The following POLR2B variants were observed in gnomAD, a reference collection of about 807,000 sequenced individuals.
POLR2B encodes the protein RNA polymerase II subunit B, also known as DNA-directed RNA polymerase II subunit RPB2.
A neutral mutation model predicts 144.6 loss-of-function variants in POLR2B; 57 were observed. That is an observed-to-expected ratio of 0.39 (90% confidence interval 0.32 to 0.49). The LOEUF (loss-of-function observed/expected upper bound fraction) is 0.49. POLR2B is among the 20% of genes least tolerant of loss of function. The probability of loss-of-function intolerance (pLI) is 0.83; values close to 1 mark genes in which losing one functional copy is unlikely to be tolerated. For synonymous variants in POLR2B, 442 were observed against 469.8 expected, an observed-to-expected ratio of 0.94 and a Z score of 0.77; for missense variants, 595 against 1,467.4, an observed-to-expected ratio of 0.41 and a Z score of 9.71.
intron 10 of POLR2B, among the ~76,000 whole-genome samples, chr4:57,007,942 C>T (rs1023244471): frequency 1.4e-4 from 22 of 152,120 alleles, no homozygotes; most frequent in South Asian, 2.1e-4. Context: ...CTCCTTTTTC[C>T]TAGAAATCTG....
At chr4:57,005,787 A>G (rs1723003228) in intron 9 of POLR2B, 68 bp downstream of exon 9, 1 of 1,441,044 alleles carries the variant, frequency 6.9e-7, no homozygotes, top group East Asian at 2.3e-5. Flanking sequence ...ATCATTGCAT[A>G]TGGCCAGGCT....
At chr4:57,006,080 G>A (rs73167831) in intron 9 of POLR2B, among the ~76,000 whole-genome samples, 1 of 152,186 alleles carries the variant, frequency 6.6e-6, no homozygotes, top group African/African-American at 2.4e-5. Context: ...GTCAGTGATT[G>A]TCTCACAGTA....
rs573473286 is a variant in POLR2B at position 57,003,774 on chromosome 4, C to G, written c.901-1472C>G. Among the ~76,000 whole-genome samples the G allele has an allele frequency of 1.1e-4, 17 of 151,714 alleles. No individual in the cohort carries two copies. In the Middle Eastern group the frequency reaches 0.01, roughly 92 times the overall value. On this transcript the variant is annotated intron_variant, in intron 7 of 24. Transcript: ENST00000314595. ...ACGAGAATCACTGGAACCCAGGAGG[C>G]AGATGTTGTAGTAAGCCAAGATGGT...
At chr4:56,980,033 C>G (rs180903891) in intron 1 of POLR2B, among the ~76,000 whole-genome samples, 1 of 152,036 alleles carries the variant, frequency 6.6e-6, no homozygotes, top group East Asian at 1.9e-4. Flanking sequence ...TCTCCTCTCT[C>G]TATTCCCTCA....
rs1723604978 is a variant in POLR2B at position 57,023,142 on chromosome 4, C to T, written c.2516-188C>T. 4.4e-6 allele frequency: 2 copies of T among 452,698 alleles called. No homozygotes were observed. Among genetic ancestry groups the T allele is most frequent in the Non-Finnish European group, 3.9e-6 (1 of 256,410 alleles). The allele number at this position is 452,698 out of a possible 1,614,324, so 28.0% of individuals were successfully genotyped here. On this transcript the variant is annotated intron_variant, in intron 18 of 24. Coordinates refer to ENST00000314595, the MANE Select transcript of POLR2B (RefSeq NM_000938.3). This position sits in a 1 kb window ranked among gnomAD's most constrained non-coding sequence, Gnocchi z 4.3. ...TTCCAATGTTCTTTTCCTTCATAGA[C>T]TTTTTTTTTTGTTTTCTGTGTGGGC...
chr4:57,020,833 T>G, intron 16 of POLR2B, 66 bp from the exon 17 acceptor site: 1 of 876,804 alleles, frequency 1.1e-6, no homozygotes, highest in Non-Finnish European at 2.0e-6. Context: ...AAAGTTGATT[T>G]AAAGAAAGGG....
intron 1 of POLR2B, among the ~76,000 whole-genome samples, chr4:56,982,402 T>G (rs1722182300): frequency 6.6e-6 from 1 of 152,002 alleles, no homozygotes; most frequent in Non-Finnish European, 1.5e-5. Flanking sequence ...AGACCTCATC[T>G]CTACAAAAAA....
At chr4:57,024,399 T>C (rs900031702) in intron 21 of POLR2B, among the ~76,000 whole-genome samples, 2 of 152,200 alleles carry the variant, frequency 1.3e-5, no homozygotes, top group East Asian at 3.8e-4. Flanking sequence ...TGATGGAGAG[T>C]TCAATGTGAA....
intron 7 of POLR2B, among the ~76,000 whole-genome samples, chr4:57,000,091 T>A (rs553094372): frequency 5.7e-4 from 87 of 152,334 alleles, no homozygotes; most frequent in African/African-American, 2.0e-3. Context: ...AATGAGTAGT[T>A]GATACCTGTT....
Position 56,994,643 on chromosome 4 carries a change from A to C in POLR2B, c.357-4A>C, listed in dbSNP as rs1192451083. 6.3e-7 allele frequency: 1 copy of C among 1,590,532 alleles called. No homozygotes were observed. Among genetic ancestry groups the C allele is most frequent in the African/African-American group, 1.3e-5 (1 of 74,394 alleles). ...TTAACTGTGATCTACTTTTATTTTC[A>C]AAGGTATTCTGCTCCGCTTTATGTT... On this transcript the variant is annotated splice_region_variant and splice_polypyrimidine_tract_variant and intron_variant, in intron 4 of 24. Coordinates refer to ENST00000314595, the MANE Select transcript of POLR2B (RefSeq NM_000938.3).
At position 57,030,199 on chromosome 4, in the gene POLR2B, A is replaced by G; in HGVS notation, c.3240-5A>G. ...TACAAAGTAATAATTTTTTTCTCTT[A>G]ACAGTGATGGTGGCCTGCGTTTTGG... On this transcript the variant is annotated splice_region_variant and splice_polypyrimidine_tract_variant and intron_variant, in intron 23 of 24. Transcript: ENST00000314595. 1 of 1,610,880 alleles carries G rather than the reference A, an allele frequency of 6.2e-7. No homozygotes were observed. Among genetic ancestry groups the G allele is most frequent in the South Asian group, 1.1e-5 (1 of 90,860 alleles).
At chr4:57,005,842 A>G (rs934740730) in intron 9 of POLR2B, 123 bp downstream of exon 9, 1 of 817,992 alleles carries the variant, frequency 1.2e-6, no homozygotes, top group Non-Finnish European at 1.9e-6. Context: ...AATTAGCTAC[A>G]TTCTTATTGC....
chr4:56,996,262 G>GTATACATA (rs1553910009), intron 6 of POLR2B, among the ~76,000 whole-genome samples: 83 of 88,826 alleles, frequency 9.3e-4, no homozygotes, highest in African/African-American at 3.6e-3. Flanking sequence ...GTGTGTGTGT[G>GTATACATA]TATATATATA....
rs1723635528 is a variant in POLR2B at position 57,024,142 on chromosome 4, C to T, written c.2964+30C>T. The T allele has an allele frequency of 3.5e-6, 4 of 1,138,030 alleles. No individual in the cohort carries two copies. In the East Asian group the frequency reaches 7.2e-5, roughly 20 times the overall value. 70.5% of individuals were successfully genotyped at this position (1,138,030 alleles called of 1,614,324 possible). A position where few individuals can be genotyped will look rare whatever the true frequency, so the allele number is the denominator to read the frequency against. ...GAGATGTTCTTCAAAAATATAGATT[C>T]TAAGCTGATGCTTCTTCTAAAACTC... On this transcript the variant is annotated intron_variant, in intron 21 of 24. Transcript: ENST00000314595.
Position 57,017,547 on chromosome 4 carries a change from T to C in POLR2B, c.2155-13T>C. The C allele has an allele frequency of 6.4e-7, 1 of 1,566,006 alleles. No homozygotes were observed. The highest frequency in any genetic ancestry group is 8.6e-7 in the Non-Finnish European group (1 of 1,159,412). ...AACTTTTTGTTGTTTCTGCTTTTCA[T>C]TTTTACGTTTAGTCCCCTAGAAACA... On this transcript the variant is annotated splice_polypyrimidine_tract_variant and intron_variant, in intron 15 of 24. Transcript: ENST00000314595. This position sits in a 1 kb window ranked among gnomAD's most constrained non-coding sequence, Gnocchi z 4.8.
intron 7 of POLR2B, among the ~76,000 whole-genome samples, chr4:57,003,933 C>T (rs967013416): frequency 2.0e-5 from 3 of 151,692 alleles, no homozygotes; most frequent in Non-Finnish European, 4.4e-5. Flanking sequence ...TGCATTCCAG[C>T]CAGGGCGACA....
chr4:57,028,973 T>C (rs887767575), intron 23 of POLR2B, among the ~76,000 whole-genome samples: 3 of 152,248 alleles, frequency 2.0e-5, no homozygotes, highest in Non-Finnish European at 2.9e-5. Context: ...ACCTTTTTTT[T>C]CCCCTTGTAA....
intron 10 of POLR2B, among the ~76,000 whole-genome samples, chr4:57,008,206 G>GTT (rs59219952): frequency 0.043 from 5,935 of 137,026 alleles, 377 homozygotes; most frequent in African/African-American, 0.14. Context: ...CAAGGAATTG[G>GTT]TTTTTTTTTT....
chr4:57,000,439 A>G (rs901692685), intron 7 of POLR2B, among the ~76,000 whole-genome samples: 17 of 152,178 alleles, frequency 1.1e-4, no homozygotes, highest in African/African-American at 4.1e-4. Flanking sequence ...CAAAATAAGA[A>G]AAGTTGCAAG....
Sources: gnomAD v4.1 joint callset for allele counts (sites outside exome capture counted in the v4.1 genomes callset) on GRCh38, gnomAD v4.1.1 for gene constraint, Gnocchi (gnomAD v3.1) non-coding constraint, MANE v1.5 for transcripts, NCBI Gene and HGNC (gene_info 2026-07-23, HGNC 2026-07-21) for gene names.